NAV1: variants seen among roughly 807,000 people sequenced by gnomAD.
The protein encoded by NAV1 is pore membrane and/or filament interacting like protein 3.
NAV1 carries 18 observed loss-of-function variants against 175.2 expected under a neutral mutation model. The ratio of observed to expected loss-of-function variants is 0.10; its 90% confidence interval spans 0.07 to 0.15. NAV1 has a LOEUF of 0.15. NAV1 is among the 10% of genes least tolerant of loss of function. NAV1 has a pLI of 1.00. For missense variants in NAV1, 1,731 were observed against 2,436.6 expected (o/e 0.71, Z 6.10); for synonymous variants, 897 against 978.7 (o/e 0.92, Z 1.56).
Position 201,605,078 on chromosome 1 carries a change from T to C in NAV1, c.-33+16429T>C, listed in dbSNP as rs115054904. Among the ~76,000 whole-genome samples the C allele has an allele frequency of 2.6e-3, 392 of 152,120 alleles. 2 individuals carry two copies. The highest frequency in any genetic ancestry group is 8.9e-3 in the African/African-American group (370 of 41,520). ...TTTTTACTGAGGGCACCCTAGCACA[T>C]ACACAAACGATGACCCAGCACCAGG... On this transcript the variant is annotated intron_variant, in intron 2 of 33. Coordinates refer to the NAV1 transcript ENST00000685211.
rs551956762 is a variant in NAV1, at chr1:201,717,062, C to T, written c.861-1328C>T. Among the ~76,000 whole-genome samples the T allele has an allele frequency of 3.3e-5, 5 of 152,316 alleles. No homozygotes were observed. The South Asian group carries it at 1.0e-3, about 32-fold the overall frequency. On this transcript the variant is annotated intron_variant, in intron 2 of 29. Transcript: ENST00000367296. ...ACCCCAGCACACTCAGTTTCAAGAG[C>T]GTTTGGATCCCTCAAGTTCTGCTGG...
rs202074498 is a variant in NAV1 at position 201,586,940 on chromosome 1, G to A, written c.-143-1599G>A. Among the ~76,000 whole-genome samples the A allele has an allele frequency of 1.4e-4, 21 of 152,320 alleles. 1 individual carries two copies. The East Asian group carries it at 4.1e-3, about 29-fold the overall frequency. On this transcript the variant is annotated intron_variant, in intron 1 of 33. Transcript: ENST00000685211. ...GATGGTAAGTTTTAGGCTGGGCACA[G>A]TAGCTCACGCCTGTAACCCCAGCAC...
chr1:201,609,594 G>A (rs1358350591), intron 2 of NAV1, among the ~76,000 whole-genome samples: 3 of 152,138 alleles, frequency 2.0e-5, no homozygotes, highest in Non-Finnish European at 4.4e-5. Flanking sequence ...TTTAAGATAG[G>A]GGAGAAAAAT....
At chr1:201,592,502 G>A (rs1490638283) in intron 2 of NAV1, among the ~76,000 whole-genome samples, 1 of 152,178 alleles carries the variant, frequency 6.6e-6, no homozygotes, top group African/African-American at 2.4e-5. Flanking sequence ...CCTAACCAGG[G>A]TTTCCCGACT....
intron 9 of NAV1, among the ~76,000 whole-genome samples, chr1:201,786,963 C>T (rs556059036): frequency 3.3e-5 from 5 of 152,290 alleles, no homozygotes; most frequent in Non-Finnish European, 4.4e-5. Flanking sequence ...GTCAGGCCGA[C>T]GGGGAGGAAG....
chr1:201,690,700 T>C (rs1180025940), intron 1 of NAV1, among the ~76,000 whole-genome samples: 1 of 150,214 alleles, frequency 6.7e-6, no homozygotes, highest in Non-Finnish European at 1.5e-5. Context: ...AGTGTGTGTG[T>C]CTGTTTCCTC....
intron 3 of NAV1, among the ~76,000 whole-genome samples, chr1:201,776,835 A>G (rs1365511372): frequency 6.6e-6 from 1 of 151,294 alleles, no homozygotes. Flanking sequence ...GTAGATTCAA[A>G]GCATCCGGTA....
chr1:201,639,845 T>C (rs1169684169), intron 2 of NAV1, among the ~76,000 whole-genome samples: 1 of 152,184 alleles, frequency 6.6e-6, no homozygotes, highest in Non-Finnish European at 1.5e-5. Flanking sequence ...TGGTCTTGTT[T>C]ACTTGTGTGA....
At chr1:201,791,813 T>C (rs555592136) in intron 13 of NAV1, 48 of 152,324 alleles carry the variant, frequency 3.2e-4, no homozygotes, top group African/African-American at 1.1e-3. Flanking sequence ...TACCAGTTTG[T>C]TTGAAGCTCA....
chr1:201,699,929 C>A (rs1671344610), intron 1 of NAV1, among the ~76,000 whole-genome samples: 1 of 152,290 alleles, frequency 6.6e-6, no homozygotes, highest in South Asian at 2.1e-4. Flanking sequence ...ACACCTTATA[C>A]AAAAATTAAT....
chr1:201,586,283 G>T (rs899472327), intron 1 of NAV1, among the ~76,000 whole-genome samples: 1 of 150,604 alleles, frequency 6.6e-6, no homozygotes, highest in Non-Finnish European at 1.5e-5. Context: ...AAAGTAAAAC[G>T]GGGATTGCCA....
intron 1 of NAV1, among the ~76,000 whole-genome samples, chr1:201,691,974 C>A (rs2102419251): frequency 6.6e-6 from 1 of 152,350 alleles, no homozygotes; most frequent in East Asian, 1.9e-4. Context: ...GAAAGGGAGG[C>A]ATTAGCCTCT....
In NAV1 at chr1:201,804,478, T is replaced by C. The variant is rs1223712879; in HGVS notation, c.3640-11T>C. Reference sequence around the variant, plus strand: ...TCAAAATGCTGACTCCAAATCCCTATTTTTTTCCAGGTCTATGAGGTAAGA... The same window carrying C: ...TCAAAATGCTGACTCCAAATCCCTACTTTTTTCCAGGTCTATGAGGTAAGA... On this transcript the variant is annotated splice_polypyrimidine_tract_variant and intron_variant, in intron 16 of 29. Coordinates refer to ENST00000367296, the Ensembl canonical transcript of NAV1. 1 of 1,545,618 alleles carries C rather than the reference T, an allele frequency of 6.5e-7. No homozygotes were observed. Among genetic ancestry groups the C allele is most frequent in the Non-Finnish European group, 8.7e-7 (1 of 1,145,000 alleles).
At chr1:201,817,863 T>G (rs2102837185) in intron 29 of NAV1, among the ~76,000 whole-genome samples, 1 of 152,254 alleles carries the variant, frequency 6.6e-6, no homozygotes, top group Non-Finnish European at 1.5e-5. Flanking sequence ...TGGGGGAATA[T>G]CTGCAATGCC....
exon 1 of NAV1, chr1:201,622,978 A>T: frequency 1.0e-6 from 1 of 986,118 alleles, no homozygotes; most frequent in Non-Finnish European, 1.2e-6. Context: ...CAGGATTCCT[A>T]CACCGGGCGC....
At chr1:201,545,341 A>G (rs1665634889) in intron 1 of NAV1, among the ~76,000 whole-genome samples, 1 of 151,744 alleles carries the variant, frequency 6.6e-6, no homozygotes, top group Admixed American at 6.6e-5. Context: ...TAAATGCCAG[A>G]TTTAATCTTT....
At chr1:201,706,855 G>C (rs1671690078) in intron 1 of NAV1, among the ~76,000 whole-genome samples, 1 of 152,152 alleles carries the variant, frequency 6.6e-6, no homozygotes, top group Non-Finnish European at 1.5e-5. Context: ...TATAGAACTT[G>C]GGGAAATTTG....
intron 1 of NAV1, among the ~76,000 whole-genome samples, chr1:201,573,729 C>T (rs1274159434): frequency 1.3e-5 from 2 of 152,180 alleles, no homozygotes; most frequent in Non-Finnish European, 2.9e-5. Flanking sequence ...CAAATATTAT[C>T]TATTACTAAT....
At chr1:201,629,440 G>A in exon 2 of NAV1, 1 of 1,304,174 alleles carries the variant, frequency 7.7e-7, no homozygotes, top group Non-Finnish European at 1.0e-6. Context: ...CCCTCTCCCA[G>A]GGCAGCTGGC....
Sources: allele counts gnomAD v4.1 joint callset (sites outside exome capture counted in the v4.1 genomes callset), GRCh38; gene constraint gnomAD v4.1.1; transcripts MANE v1.5; gene names NCBI Gene and HGNC (gene_info 2026-07-23, HGNC 2026-07-21).